Variants in TMEM132D observed in about 807,000 individuals in gnomAD.
TMEM132D encodes the protein mature OL transmembrane protein.
A neutral mutation model predicts 62.3 loss-of-function variants in TMEM132D; 21 were observed. That is an observed-to-expected ratio of 0.34 (90% confidence interval 0.24 to 0.49). The LOEUF (loss-of-function observed/expected upper bound fraction) is 0.49. TMEM132D is among the 20% of genes least tolerant of loss of function. The probability of loss-of-function intolerance (pLI) is 0.99; values close to 1 mark genes in which losing one functional copy is unlikely to be tolerated. For synonymous variants in TMEM132D, 621 were observed against 575.6 expected (o/e 1.08, Z -1.13); for missense variants, 1,346 against 1,402.8 (o/e 0.96, Z 0.65).
intron 5 of TMEM132D, among the ~76,000 whole-genome samples, chr12:129,123,789 G>T (rs1052359125): frequency 1.3e-5 from 2 of 152,094 alleles, no homozygotes; most frequent in East Asian, 1.9e-4. Flanking sequence ...TGGAGGAAAA[G>T]CTTCTCTCTC....
At chr12:129,833,157 T>G (rs1391494244) in intron 1 of TMEM132D, among the ~76,000 whole-genome samples, 1 of 152,248 alleles carries the variant, frequency 6.6e-6, no homozygotes, top group Non-Finnish European at 1.5e-5. Flanking sequence ...ACCCCGTAGA[T>G]ATTTTTCCAG....
intron 1 of TMEM132D, among the ~76,000 whole-genome samples, chr12:129,730,347 T>G (rs145504679): frequency 3.1e-4 from 47 of 152,342 alleles, no homozygotes; most frequent in African/African-American, 1.0e-3. Context: ...AAATATACTC[T>G]GCCATTGTAA....
chr12:129,250,538 C>A (rs918049607), intron 4 of TMEM132D, among the ~76,000 whole-genome samples: 1 of 152,156 alleles, frequency 6.6e-6, no homozygotes, highest in Non-Finnish European at 1.5e-5. Context: ...TTGGGATGAA[C>A]CAGAACACCC....
chr12:129,383,153 C>T (rs1374888450), intron 3 of TMEM132D, among the ~76,000 whole-genome samples: 1 of 152,192 alleles, frequency 6.6e-6, no homozygotes, highest in Non-Finnish European at 1.5e-5. Context: ...CGCCCACTGT[C>T]GTGTGCACCA....
intron 5 of TMEM132D, among the ~76,000 whole-genome samples, chr12:129,122,496 T>G (rs1281967210): frequency 6.6e-6 from 1 of 152,192 alleles, no homozygotes; most frequent in East Asian, 1.9e-4. Flanking sequence ...GCCTGATTTA[T>G]CTCTGTATCT....
chr12:129,486,605 C>T (rs552445881), intron 3 of TMEM132D, among the ~76,000 whole-genome samples: 4 of 152,194 alleles, frequency 2.6e-5, no homozygotes, highest in Non-Finnish European at 5.9e-5. Context: ...TGTCCCCACT[C>T]ATTGTGTGTC....
At chr12:129,588,193 C>T (rs1268042067) in intron 2 of TMEM132D, among the ~76,000 whole-genome samples, 2 of 152,228 alleles carry the variant, frequency 1.3e-5, no homozygotes, top group Non-Finnish European at 2.9e-5. Flanking sequence ...AGATCATTCG[C>T]TTAATTCCAT....
intron 2 of TMEM132D, among the ~76,000 whole-genome samples, chr12:129,673,771 C>A (rs1306319415): frequency 6.6e-6 from 1 of 152,188 alleles, no homozygotes; most frequent in Non-Finnish European, 1.5e-5. Context: ...AACCAATTTC[C>A]AACCTTTGCT....
intron 4 of TMEM132D, among the ~76,000 whole-genome samples, chr12:129,272,400 T>G (rs57813242): frequency 0.043 from 6,490 of 151,920 alleles, 281 homozygotes; most frequent in East Asian, 0.21. Flanking sequence ...CTTCACTGGA[T>G]GAAGTCACTG....
At chr12:129,340,758 T>C (rs1217288269) in intron 3 of TMEM132D, among the ~76,000 whole-genome samples, 3 of 152,208 alleles carry the variant, frequency 2.0e-5, no homozygotes, top group South Asian at 2.1e-4. Context: ...CAAAGGATTA[T>C]AAAACATGCT....
At chr12:129,222,315 A>G (rs1879369469) in intron 4 of TMEM132D, among the ~76,000 whole-genome samples, 1 of 152,122 alleles carries the variant, frequency 6.6e-6, no homozygotes, top group Non-Finnish European at 1.5e-5. Context: ...AGGTTATCCA[A>G]GCTCATTGTT....
chr12:129,559,430 C>T (rs566065791), intron 2 of TMEM132D, among the ~76,000 whole-genome samples: 63 of 152,236 alleles, frequency 4.1e-4, no homozygotes, highest in East Asian at 9.7e-4. Context: ...TAAAAGGAGA[C>T]GAGAGGTCTC....
chr12:129,612,107 G>A (rs1410670360), intron 2 of TMEM132D, among the ~76,000 whole-genome samples: 4 of 152,176 alleles, frequency 2.6e-5, no homozygotes, highest in Non-Finnish European at 5.9e-5. Context: ...GCACTCATTT[G>A]CGAAAGGAGA....
At chr12:129,763,841 GC>G (rs1228953828) in intron 1 of TMEM132D, among the ~76,000 whole-genome samples, 1 of 152,116 alleles carries the variant, frequency 6.6e-6, no homozygotes, top group African/African-American at 2.4e-5. Context: ...GAAAAAGTCA[GC>G]CGCAGGTGGA....
intron 2 of TMEM132D, among the ~76,000 whole-genome samples, chr12:129,591,797 A>G (rs192898845): frequency 8.4e-4 from 128 of 152,286 alleles, no homozygotes; most frequent in Middle Eastern, 6.8e-3. Flanking sequence ...TAAAACATGA[A>G]GAATTTTGAG....
At chr12:129,101,867 A>T (rs980947128) in intron 5 of TMEM132D, among the ~76,000 whole-genome samples, 1 of 152,226 alleles carries the variant, frequency 6.6e-6, no homozygotes, top group Admixed American at 6.5e-5. Context: ...AAATAAAAAC[A>T]ATTAGATGCA....
chr12:129,280,853 A>G (rs1303957210), intron 4 of TMEM132D, among the ~76,000 whole-genome samples: 1 of 151,244 alleles, frequency 6.6e-6, no homozygotes, highest in African/African-American at 2.4e-5. Flanking sequence ...CATATATCCT[A>G]TTGGTTTTGT....
intron 1 of TMEM132D, among the ~76,000 whole-genome samples, chr12:129,817,666 G>T (rs1230749128): frequency 9.9e-5 from 13 of 131,588 alleles, no homozygotes; most frequent in Admixed American, 1.6e-4. Context: ...GGGGTGTGTG[G>T]GGGGTATGTG....
chr12:129,531,005 AT>A, intron 3 of TMEM132D, 53 bp downstream of exon 3: 2 of 1,504,682 alleles, frequency 1.3e-6, no homozygotes, highest in Non-Finnish European at 1.8e-6. Flanking sequence ...AAAAAAAAAA[AT>A]CAGGCCACAT....
Sources: allele counts gnomAD v4.1 joint callset (sites outside exome capture counted in the v4.1 genomes callset), GRCh38; gene constraint gnomAD v4.1.1; transcripts MANE v1.5; gene names NCBI Gene and HGNC (gene_info 2026-07-23, HGNC 2026-07-21).